Variants in PLCG2 observed in about 807,000 individuals in gnomAD.
The protein encoded by PLCG2 is 1-phosphatidylinositol 4,5-bisphosphate phosphodiesterase gamma-2.
Under a neutral mutation model 175.6 loss-of-function variants are expected in PLCG2, and 69 were observed. The ratio of observed to expected loss-of-function variants is 0.39; its 90% CI spans 0.32 to 0.48. The LOEUF is 0.48. Among genes scored for constraint, PLCG2 ranks in the 20% least tolerant of loss-of-function variants. PLCG2 has a pLI of 0.91. For synonymous variants in PLCG2, 827 were observed against 624.0 expected (o/e 1.33, Z -4.85); for missense variants, 1,798 against 1,650.9 (o/e 1.09, Z -1.54).
intron 7 of PLCG2, among the ~76,000 whole-genome samples, chr16:81,872,963 G>A (rs964606070): frequency 1.3e-5 from 2 of 152,244 alleles, no homozygotes; most frequent in African/African-American, 4.8e-5. Context: ...CTGGCCGTGG[G>A]ACTTTGGATG....
intron 2 of PLCG2, among the ~76,000 whole-genome samples, chr16:81,828,120 C>T (rs981314339): frequency 2.0e-5 from 3 of 148,678 alleles, no homozygotes; most frequent in Non-Finnish European, 4.5e-5. Context: ...AAAGTTGACT[C>T]ATTGAAACAC....
At chr16:81,775,753 C>G (rs553882645), upstream of PLCG2, among the ~76,000 whole-genome samples, 16 of 152,258 alleles carry the variant, frequency 1.1e-4, no homozygotes, top group South Asian at 3.3e-3. Context: ...TCAGGTTATT[C>G]TTTCTTACCT....
At chr16:81,947,671 CAAT>C (rs1911203214) in intron 31 of PLCG2, among the ~76,000 whole-genome samples, 2 of 152,320 alleles carry the variant, frequency 1.3e-5, no homozygotes, top group African/African-American at 4.8e-5. Context: ...AGAAAACTGT[CAAT>C]AAGCACTTTA....
At chr16:81,770,243 G>C (rs994409157) in intron 2 of PLCG2, among the ~76,000 whole-genome samples, 4 of 152,022 alleles carry the variant, frequency 2.6e-5, no homozygotes, top group Non-Finnish European at 5.9e-5. Flanking sequence ...GGACTCGCCT[G>C]GGTGCTGCTC....
chr16:81,811,601 A>C (rs1404653657), intron 2 of PLCG2, among the ~76,000 whole-genome samples: 1 of 152,068 alleles, frequency 6.6e-6, no homozygotes, highest in Admixed American at 6.5e-5. Context: ...CTCGCACTTA[A>C]GAGTAAGAAA....
rs1910309052 is a variant in PLCG2, at chr16:81,927,166, G to C, written c.2502G>C (p.Glu834Asp). ...VEDISTADFEELEKQIIEDNP... is the reference protein window; with the variant it reads ...VEDISTADFEDLEKQIIEDNP... ...ACATCTCAACTGCAGACTTCGAGGA[G>C]CTAGAAAAGCAGGTGAGTCCCCCTC... is the stretch of plus-strand genomic sequence containing the variant. The change falls in exon 23 of 33, where the codon GAG (glutamate) becomes GAC (aspartate). Residue 834 changes from glutamate to aspartate, a missense_variant. Transcript: ENST00000564138. The C allele has an allele frequency of 6.2e-7, 1 of 1,611,114 alleles. No individual in the cohort carries two copies. The highest frequency in any genetic ancestry group is 8.5e-7 in the Non-Finnish European group (1 of 1,177,258).
At position 81,854,424 on chromosome 16, in the gene PLCG2, T is replaced by G. The variant is rs1239321872; in HGVS notation, c.194-20T>G. 1 of 1,612,484 alleles carries G rather than the reference T, an allele frequency of 6.2e-7. No homozygotes were observed. Among genetic ancestry groups the G allele is most frequent in the Non-Finnish European group, 8.5e-7 (1 of 1,178,680 alleles). ...GAGGGAACTCCAGCTTCTAATTGGCTCATGTTAATTTCATTTTAGTGGATA... is the reference window on the plus strand; with the variant it reads ...GAGGGAACTCCAGCTTCTAATTGGCGCATGTTAATTTCATTTTAGTGGATA... On this transcript the variant is annotated intron_variant, in intron 2 of 32. Coordinates refer to ENST00000564138, the MANE Select transcript of PLCG2 (RefSeq NM_002661.5).
intron 8 of PLCG2, among the ~76,000 whole-genome samples, chr16:81,881,765 C>T (rs1460139253): frequency 6.6e-6 from 1 of 152,112 alleles, no homozygotes; most frequent in African/African-American, 2.4e-5. Context: ...CTGCCTCATC[C>T]TCCGAATAGC....
At chr16:81,802,588 A>G (rs1264348076) in intron 2 of PLCG2, among the ~76,000 whole-genome samples, 1 of 150,804 alleles carries the variant, frequency 6.6e-6, no homozygotes, top group Non-Finnish European at 1.5e-5. Flanking sequence ...TTGTTTTGAG[A>G]CTGAGTGGAG....
intron 19 of PLCG2, among the ~76,000 whole-genome samples, chr16:81,914,958 G>T (rs529465269): frequency 2.0e-5 from 3 of 152,294 alleles, no homozygotes; most frequent in Non-Finnish European, 4.4e-5. Context: ...TCTACCCACT[G>T]CATGTCTGTC....
At chr16:81,822,781 A>AAAAAAT in intron 2 of PLCG2, among the ~76,000 whole-genome samples, 1 of 149,638 alleles carries the variant, frequency 6.7e-6, no homozygotes, top group Non-Finnish European at 1.5e-5. Context: ...AAAAAAAAAA[A>AAAAAAT]GAAAAAGGCA....
intron 21 of PLCG2, chr16:81,921,534 T>C (rs1490614811): frequency 4.3e-6 from 2 of 466,546 alleles, no homozygotes; most frequent in African/African-American, 4.0e-5. Flanking sequence ...CCAAATGGCT[T>C]CTAATGAAAA....
At position 81,870,954 on chromosome 16, in the gene PLCG2, A is replaced by G; in HGVS notation, c.648+19A>G. 7.9e-7 allele frequency: 1 copy of G among 1,263,880 alleles called. No homozygotes were observed. The highest frequency in any genetic ancestry group is 1.1e-6 in the Non-Finnish European group (1 of 875,714). 78.3% of individuals were successfully genotyped at this position (1,263,880 alleles called of 1,614,324 possible). A position where few individuals can be genotyped will look rare whatever the true frequency, so the allele number is the denominator to read the frequency against. ...AAAATCGGTAAGATGATTCTTGAGC[A>G]AGTGATCAAGTGATGTTTCTGTTTT... On this transcript the variant is annotated intron_variant, in intron 7 of 32. Transcript: ENST00000564138.
intron 7 of PLCG2, among the ~76,000 whole-genome samples, chr16:81,877,532 G>C (rs959839903): frequency 2.0e-5 from 3 of 152,242 alleles, no homozygotes; most frequent in Non-Finnish European, 4.4e-5. Context: ...CCAGGTGTTG[G>C]CAGGGCCACA....
At chr16:81,793,724 C>G (rs941541991) in intron 2 of PLCG2, among the ~76,000 whole-genome samples, 3 of 152,172 alleles carry the variant, frequency 2.0e-5, no homozygotes, top group African/African-American at 4.8e-5. Flanking sequence ...TGAATGCTCA[C>G]TGTGTCCTAG....
chr16:81,781,895 G>T (rs1187651666), intron 1 of PLCG2, among the ~76,000 whole-genome samples: 4 of 131,110 alleles, frequency 3.1e-5, no homozygotes, highest in Non-Finnish European at 3.1e-5. Flanking sequence ...CCCCCGAGAC[G>T]GAGTCTTGCT....
intron 31 of PLCG2, among the ~76,000 whole-genome samples, chr16:81,949,194 G>C (rs1911270964): frequency 6.6e-6 from 1 of 152,142 alleles, no homozygotes; most frequent in Admixed American, 6.5e-5. Context: ...ATGTCCCAAA[G>C]GACAAAGTTA....
intron 2 of PLCG2, among the ~76,000 whole-genome samples, chr16:81,826,028 G>T (rs184375195): frequency 3.3e-5 from 5 of 152,316 alleles, no homozygotes; most frequent in African/African-American, 1.2e-4. Context: ...GTCGCACTGG[G>T]TATCTAGTAA....
Position 81,912,823 on chromosome 16 carries a change from C to A in PLCG2, c.2054+107C>A, listed in dbSNP as rs534606329. Reference sequence around the variant, plus strand: ...TGGAGGCTCACCTGCAGTGCCCTGCCCCCCCAGCATCAGCGACAACAACAA... The same window carrying A: ...TGGAGGCTCACCTGCAGTGCCCTGCACCCCCAGCATCAGCGACAACAACAA... On this transcript the variant is annotated intron_variant, in intron 19 of 32. Coordinates refer to ENST00000564138, the MANE Select transcript of PLCG2 (RefSeq NM_002661.5). The A allele has an allele frequency of 3.9e-5, 52 of 1,320,598 alleles. No individual in the cohort carries two copies. In the East Asian group the frequency reaches 4.0e-4, roughly 10 times the overall value. The allele number at this position is 1,320,598 out of a possible 1,614,324, so 81.8% of individuals were successfully genotyped here.
Sources: allele counts gnomAD v4.1 joint callset (sites outside exome capture counted in the v4.1 genomes callset), GRCh38; gene constraint gnomAD v4.1.1; transcripts MANE v1.5; gene names NCBI Gene and HGNC (gene_info 2026-07-23, HGNC 2026-07-21).